STK39: variants seen among roughly 807,000 people sequenced by gnomAD.
STK39 encodes the protein STE20/SPS1-related proline-alanine-rich protein kinase.
In STK39, 20 loss-of-function variants were observed where a neutral mutation model predicts 77.8. The ratio of observed to expected loss-of-function variants is 0.26; its 90% CI spans 0.18 to 0.37. The LOEUF is 0.37. Among genes scored for constraint, STK39 ranks in the 10% least tolerant of loss-of-function variants. The probability of loss-of-function intolerance (pLI) is 1.00; values close to 1 mark genes in which losing one functional copy is unlikely to be tolerated. For missense variants in STK39, 479 were observed against 656.5 expected (o/e 0.73, Z 2.95); for synonymous variants, 246 against 234.1 (o/e 1.05, Z -0.47).
intron 10 of STK39, among the ~76,000 whole-genome samples, chr2:168,115,777 G>A (rs1287687364): frequency 1.3e-5 from 2 of 152,208 alleles, no homozygotes; most frequent in African/African-American, 2.4e-5. Flanking sequence ...TGCTCAGGAT[G>A]AGAAGAGCTG....
At chr2:168,091,915 T>C (rs1372250885) in intron 10 of STK39, among the ~76,000 whole-genome samples, 1 of 152,212 alleles carries the variant, frequency 6.6e-6, no homozygotes, top group African/African-American at 2.4e-5. Context: ...GATCACAATA[T>C]CATTTTCCCA....
chr2:168,245,111 A>G (rs191276365), intron 1 of STK39, among the ~76,000 whole-genome samples: 327 of 152,354 alleles, frequency 2.1e-3, no homozygotes, highest in Non-Finnish European at 3.4e-3. Flanking sequence ...TGTGGCAGAT[A>G]CCATTATTCA....
At chr2:168,068,793 G>T (rs1185767895) in intron 12 of STK39, among the ~76,000 whole-genome samples, 3 of 152,138 alleles carry the variant, frequency 2.0e-5, no homozygotes, top group African/African-American at 7.3e-5. Flanking sequence ...AAAGCAGTCT[G>T]TGATGGCTAA....
chr2:167,983,974 T>C (rs1166628555), intron 16 of STK39, among the ~76,000 whole-genome samples: 1 of 152,130 alleles, frequency 6.6e-6, no homozygotes. Context: ...CCACAGAGAA[T>C]GTGGCCCCTC....
intron 1 of STK39, among the ~76,000 whole-genome samples, chr2:168,243,501 C>T (rs1156641575): frequency 6.6e-6 from 1 of 152,020 alleles, no homozygotes; most frequent in Non-Finnish European, 1.5e-5. Context: ...AAATGACCAC[C>T]CGGGACAAAA....
Position 168,140,754 on chromosome 2 carries a change from A to C in STK39, c.633T>G (p.Phe211Leu). The C allele has an allele frequency of 6.3e-7, 1 of 1,579,968 alleles. No individual in the cohort carries two copies. Among genetic ancestry groups the C allele is most frequent in the Non-Finnish European group, 8.6e-7 (1 of 1,164,250 alleles). ...CTGTTGCTAGGAACGCACTTACCCC[A>C]AAATCTGAAAGGGAAAAAAAAATCA... ...GEDGSVQIAD[F>L]GVSAFLATGG... The change falls in exon 6 of 18, where the codon TTT becomes TTG. Residue 211 changes from phenylalanine (F) to leucine (L), a missense_variant. Physicochemically the swap from Phe to Leu is conservative, Grantham distance 22. Coordinates refer to ENST00000355999, the MANE Select transcript of STK39 (RefSeq NM_013233.3).
At chr2:167,998,254 T>C (rs1683899639) in intron 16 of STK39, among the ~76,000 whole-genome samples, 1 of 152,196 alleles carries the variant, frequency 6.6e-6, no homozygotes, top group African/African-American at 2.4e-5. Context: ...AAACAAGAAC[T>C]TACTTTACTG....
chr2:168,057,384 G>C (rs1025793295), intron 14 of STK39, among the ~76,000 whole-genome samples: 1 of 152,098 alleles, frequency 6.6e-6, no homozygotes, highest in Non-Finnish European at 1.5e-5. Flanking sequence ...GTAGAGACAG[G>C]GTTTCACCAT....
At chr2:168,127,120 C>A (rs1425179654) in intron 10 of STK39, among the ~76,000 whole-genome samples, 2 of 152,164 alleles carry the variant, frequency 1.3e-5, no homozygotes, top group African/African-American at 4.8e-5. Context: ...ATGCACAGCA[C>A]ACTAATATGT....
intron 10 of STK39, among the ~76,000 whole-genome samples, chr2:168,081,896 G>A (rs1312926308): frequency 3.9e-5 from 6 of 152,272 alleles, no homozygotes; most frequent in East Asian, 1.9e-4. Context: ...GATGTGACTT[G>A]TTCCTCCTTG....
Position 168,167,419 on chromosome 2 carries a change from G to A in STK39, c.322-12C>T, listed in dbSNP as rs1472858958. 3.7e-6 allele frequency: 6 copies of A among 1,610,842 alleles called. No homozygotes were observed. The African/African-American group carries it at 4.0e-5, about 11-fold the overall frequency. ...GCTTGAATTTCTTTCTATAAAAAGA[G>A]CAAAACATGACATAGTACCATGGGG... is the stretch of plus-strand genomic sequence containing the variant. On this transcript the variant is annotated splice_polypyrimidine_tract_variant and intron_variant, in intron 2 of 17. Coordinates refer to ENST00000355999, the MANE Select transcript of STK39 (RefSeq NM_013233.3).
At chr2:168,184,638 C>T (rs1408495278) in intron 1 of STK39, among the ~76,000 whole-genome samples, 2 of 134,052 alleles carry the variant, frequency 1.5e-5, no homozygotes, top group Admixed American at 1.6e-4. Flanking sequence ...ATACTTATTC[C>T]TTATCTACCA....
intron 10 of STK39, among the ~76,000 whole-genome samples, chr2:168,078,237 G>A (rs898428667): frequency 1.3e-5 from 2 of 152,132 alleles, no homozygotes; most frequent in African/African-American, 4.8e-5. Context: ...TTCTCTAAAT[G>A]TTATTTTTAA....
chr2:168,186,555 G>A (rs887081063), intron 1 of STK39, among the ~76,000 whole-genome samples: 39 of 152,204 alleles, frequency 2.6e-4, no homozygotes, highest in African/African-American at 9.2e-4. Context: ...TGAAAAGAAG[G>A]TTAGACAGGG....
intron 16 of STK39, among the ~76,000 whole-genome samples, chr2:167,978,935 T>C (rs1165643456): frequency 1.3e-5 from 2 of 152,340 alleles, no homozygotes; most frequent in African/African-American, 4.8e-5. Flanking sequence ...TAAAAAGGAA[T>C]AAATTATTGA....
chr2:168,208,914 G>C (rs6433045), intron 1 of STK39, among the ~76,000 whole-genome samples: 60,681 of 152,142 alleles, frequency 0.4, 13,867 homozygotes, highest in East Asian at 0.7. Flanking sequence ...TCACAGGGAA[G>C]TGCAAGAGCA....
intron 16 of STK39, among the ~76,000 whole-genome samples, chr2:167,999,281 T>C (rs1432590385): frequency 1.3e-5 from 2 of 152,220 alleles, no homozygotes; most frequent in African/African-American, 2.4e-5. Flanking sequence ...TCTTTTTTTA[T>C]AGCACATCAT....
chr2:168,036,640 G>C lies in STK39; in HGVS notation c.1377-19545C>G, dbSNP rs183189463. ...AGACTTGTCTAGATATCTCTGGCTG[G>C]ATGAGGTTCAGAGGAGCAGCACCCA... is the stretch of plus-strand genomic sequence containing the variant. On this transcript the variant is annotated intron_variant, in intron 14 of 17. Coordinates refer to ENST00000355999, the MANE Select transcript of STK39 (RefSeq NM_013233.3). Among the ~76,000 whole-genome samples, 6 of 152,314 alleles carry C rather than the reference G, an allele frequency of 3.9e-5. No individual in the cohort carries two copies. The East Asian group carries it at 1.2e-3, about 29-fold the overall frequency.
intron 14 of STK39, among the ~76,000 whole-genome samples, chr2:168,020,548 A>G (rs1012971237): frequency 6.6e-6 from 1 of 151,882 alleles, no homozygotes; most frequent in Non-Finnish European, 1.5e-5. Flanking sequence ...ACTGGACTAC[A>G]TTTTAAGTAA....
Sources: allele counts gnomAD v4.1 joint callset (sites outside exome capture counted in the v4.1 genomes callset), GRCh38; gene constraint gnomAD v4.1.1; transcripts MANE v1.5; gene names NCBI Gene and HGNC (gene_info 2026-07-23, HGNC 2026-07-21).